The following PSD3 variants were observed in gnomAD, a reference collection of about 807,000 sequenced individuals.
PSD3 encodes pleckstrin and Sec7 domain containing 3.
In PSD3, 49 loss-of-function variants were observed where a neutral mutation model predicts 105.5. The ratio of observed to expected loss-of-function variants is 0.46; its 90% CI spans 0.37 to 0.59. The LOEUF is 0.59. PSD3 is among the 20% of genes least tolerant of loss of function. The pLI is 0.00. For missense variants in PSD3, 1,561 were observed against 1,263.8 expected, an observed-to-expected ratio of 1.24 and a Z score of -3.57; for synonymous variants, 557 against 457.8, an observed-to-expected ratio of 1.22 and a Z score of -2.77.
At chr8:18,600,811 G>C (rs776669107) in intron 11 of PSD3, among the ~76,000 whole-genome samples, 5 of 152,138 alleles carry the variant, frequency 3.3e-5, no homozygotes, top group African/African-American at 9.7e-5. Context: ...CAATCCAAGA[G>C]AAAGCTTAAA....
intron 9 of PSD3, among the ~76,000 whole-genome samples, chr8:18,762,600 C>T (rs980953746): frequency 1.3e-5 from 2 of 152,188 alleles, no homozygotes; most frequent in African/African-American, 4.8e-5. Context: ...ATATCCATAT[C>T]TTACACTGTA....
At chr8:19,003,299 A>T (rs1826497080) in intron 1 of PSD3, among the ~76,000 whole-genome samples, 2 of 151,862 alleles carry the variant, frequency 1.3e-5, no homozygotes, top group South Asian at 4.2e-4. Context: ...TGAGGCCAGG[A>T]GTTGAAGGCT....
At chr8:18,632,582 G>T (rs1285356828) in intron 11 of PSD3, 31 bp downstream of exon 11, 3 of 1,567,540 alleles carry the variant, frequency 1.9e-6, no homozygotes, top group African/African-American at 2.8e-5. Flanking sequence ...TAAAATAAAT[G>T]AAATAGAAAA....
chr8:18,781,519 T>C (rs1808622855), intron 8 of PSD3, among the ~76,000 whole-genome samples: 1 of 152,222 alleles, frequency 6.6e-6, no homozygotes, highest in Non-Finnish European at 1.5e-5. Flanking sequence ...GGTAGGGTTG[T>C]ATAGACTTTT....
chr8:18,650,722 AT>A (rs1468693922), intron 10 of PSD3, among the ~76,000 whole-genome samples: 3 of 152,202 alleles, frequency 2.0e-5, no homozygotes, highest in African/African-American at 7.2e-5. Context: ...TAAATAAATG[AT>A]CCTTGCTACT....
chr8:18,918,879 A>C (rs148831848), intron 2 of PSD3, among the ~76,000 whole-genome samples: 5 of 152,204 alleles, frequency 3.3e-5, no homozygotes, highest in Admixed American at 3.3e-4. Flanking sequence ...GTCGTCATTC[A>C]TAAGTGCCAG....
At chr8:18,577,636 T>C (rs754545842) in intron 12 of PSD3, among the ~76,000 whole-genome samples, 2 of 152,044 alleles carry the variant, frequency 1.3e-5, no homozygotes, top group Non-Finnish European at 2.9e-5. Context: ...TGCTTAGTCA[T>C]ATAAGATGGA....
At chr8:18,632,527 T>C (rs1368524668) in intron 11 of PSD3, 86 bp downstream of exon 11, 4 of 1,413,926 alleles carry the variant, frequency 2.8e-6, no homozygotes, top group Non-Finnish European at 3.9e-6. Flanking sequence ...AATTTTTTCA[T>C]CCTTGACTTT....
chr8:18,894,678 A>C (rs1819023208), intron 2 of PSD3, among the ~76,000 whole-genome samples: 1 of 152,196 alleles, frequency 6.6e-6, no homozygotes, highest in African/African-American at 2.4e-5. Flanking sequence ...GGCAAATACA[A>C]AAGAAATCTT....
chr8:18,957,145 G>A (rs574115948), intron 1 of PSD3, among the ~76,000 whole-genome samples: 61 of 152,244 alleles, frequency 4.0e-4, no homozygotes, highest in Middle Eastern at 3.4e-3. Context: ...GCCAAGGTGG[G>A]CGGATCACAA....
chr8:18,806,970 A>G (rs1811259766), intron 4 of PSD3, among the ~76,000 whole-genome samples: 1 of 152,218 alleles, frequency 6.6e-6, no homozygotes, highest in South Asian at 2.1e-4. Context: ...GGTAACGACT[A>G]AACAACTCTG....
intron 15 of PSD3, among the ~76,000 whole-genome samples, chr8:18,543,034 G>T (rs141032673): frequency 9.6e-4 from 146 of 152,150 alleles, no homozygotes; most frequent in African/African-American, 3.4e-3. Flanking sequence ...AAATAACTTG[G>T]GATGGAATTT....
intron 9 of PSD3, among the ~76,000 whole-genome samples, chr8:18,751,253 A>G (rs1214814194): frequency 6.6e-6 from 1 of 152,060 alleles, no homozygotes; most frequent in Non-Finnish European, 1.5e-5. Context: ...CTGCTGGGGG[A>G]CCCAGTACAC....
chr8:18,913,657 G>A (rs1820392790), intron 2 of PSD3, among the ~76,000 whole-genome samples: 3 of 152,080 alleles, frequency 2.0e-5, no homozygotes, highest in African/African-American at 7.2e-5. Context: ...CTCCAGGCAG[G>A]ACCAGTGCCA....
intron 1 of PSD3, chr8:18,989,323 G>C (rs1825670893): frequency 6.6e-6 from 1 of 152,144 alleles, no homozygotes; most frequent in Non-Finnish European, 1.5e-5. Flanking sequence ...TCTGCTTTCA[G>C]TCTCTTTTCA....
At chr8:19,012,435 G>A (rs1826993075) in intron 1 of PSD3, among the ~76,000 whole-genome samples, 1 of 152,182 alleles carries the variant, frequency 6.6e-6, no homozygotes, top group Non-Finnish European at 1.5e-5. Context: ...TTGGAAAAGG[G>A]TAGAAAGTGA....
chr8:18,802,132 T>C, intron 6 of PSD3: 1 of 209,382 alleles, frequency 4.8e-6, no homozygotes, highest in East Asian at 9.8e-5. Flanking sequence ...GTTAATTGTG[T>C]CTGTTATCAC....
At chr8:18,735,892 T>C (rs531962896) in intron 9 of PSD3, among the ~76,000 whole-genome samples, 2 of 152,124 alleles carry the variant, frequency 1.3e-5, no homozygotes, top group East Asian at 1.9e-4. Context: ...ATTTGGCAAA[T>C]TGAACAAAGA....
intron 11 of PSD3, among the ~76,000 whole-genome samples, chr8:18,603,267 T>C (rs1192484936): frequency 6.6e-6 from 1 of 152,230 alleles, no homozygotes; most frequent in South Asian, 2.1e-4. Flanking sequence ...AATCTGCCTC[T>C]AACCTTACTT....
Sources: gnomAD v4.1 joint callset for allele counts (sites outside exome capture counted in the v4.1 genomes callset) on GRCh38, gnomAD v4.1.1 for gene constraint, MANE v1.5 for transcripts, NCBI Gene and HGNC (gene_info 2026-07-23, HGNC 2026-07-21) for gene names.